Variants in INPP4B observed in about 807,000 individuals in gnomAD.
The protein encoded by INPP4B is inositol polyphosphate 4-phosphatase type II.
In INPP4B, 55 loss-of-function variants were observed where a neutral mutation model predicts 122.5. The ratio of observed to expected loss-of-function variants is 0.45; its 90% confidence interval spans 0.36 to 0.56. The LOEUF is 0.56. Among genes scored for constraint, INPP4B ranks in the 20% least tolerant of loss-of-function variants. The pLI is 0.00. For missense variants in INPP4B, 1,000 were observed against 1,097.7 expected (o/e 0.91, Z 1.26); for synonymous variants, 403 against 388.7 (o/e 1.04, Z -0.43).
At chr4:142,426,261 T>C (rs1399408398) in intron 5 of INPP4B, among the ~76,000 whole-genome samples, 1 of 151,968 alleles carries the variant, frequency 6.6e-6, no homozygotes, top group South Asian at 2.1e-4. Flanking sequence ...TCAAGATTAG[T>C]CTCCTTTATA....
intron 1 of INPP4B, among the ~76,000 whole-genome samples, chr4:142,841,871 T>C (rs2151213702): frequency 6.6e-6 from 1 of 152,032 alleles, no homozygotes; most frequent in East Asian, 1.9e-4. Context: ...TCTATCCTTG[T>C]AAAACAACAA....
intron 25 of INPP4B, among the ~76,000 whole-genome samples, chr4:142,070,199 T>G (rs76818819): frequency 6.6e-6 from 1 of 152,102 alleles, no homozygotes; most frequent in African/African-American, 2.4e-5. Context: ...AATTAATAAA[T>G]GTAATCCATC....
chr4:142,809,824 C>T (rs540108655), intron 1 of INPP4B, among the ~76,000 whole-genome samples: 7 of 151,876 alleles, frequency 4.6e-5, no homozygotes, highest in Non-Finnish European at 1.0e-4. Context: ...TTTGACTTTT[C>T]CTGTTTAAGA....
At chr4:142,344,691 A>G (rs1779759905) in intron 7 of INPP4B, among the ~76,000 whole-genome samples, 1 of 152,018 alleles carries the variant, frequency 6.6e-6, no homozygotes, top group Admixed American at 6.6e-5. Context: ...CAAATAGAGG[A>G]GAACACACAC....
chr4:142,329,048 T>C (rs1269078713), intron 7 of INPP4B, among the ~76,000 whole-genome samples: 1 of 152,232 alleles, frequency 6.6e-6, no homozygotes, highest in Middle Eastern at 3.2e-3. Context: ...CATGCGCTGA[T>C]CTGTCCTTTT....
chr4:142,830,178 C>T (rs752978896), intron 1 of INPP4B, among the ~76,000 whole-genome samples: 9 of 152,028 alleles, frequency 5.9e-5, no homozygotes, highest in Non-Finnish European at 1.3e-4. Flanking sequence ...TATATAGATA[C>T]ATATATATCT....
intron 2 of INPP4B, among the ~76,000 whole-genome samples, chr4:142,674,840 T>G (rs1757499230): frequency 6.6e-6 from 1 of 152,146 alleles, no homozygotes; most frequent in South Asian, 2.1e-4. Flanking sequence ...CCAGAATCTC[T>G]GGGACACAGC....
intron 7 of INPP4B, among the ~76,000 whole-genome samples, chr4:142,383,417 C>T (rs995220575): frequency 3.9e-5 from 6 of 152,138 alleles, no homozygotes; most frequent in African/African-American, 1.4e-4. Flanking sequence ...CTGCTTACCA[C>T]CTAGGCTATG....
At chr4:142,497,392 A>AT (rs1277433285) in intron 2 of INPP4B, among the ~76,000 whole-genome samples, 1 of 152,126 alleles carries the variant, frequency 6.6e-6, no homozygotes, top group Non-Finnish European at 1.5e-5. Flanking sequence ...TAACCAAATC[A>AT]TTTTCCCAAA....
At chr4:142,701,999 G>C (rs1761842800) in intron 2 of INPP4B, among the ~76,000 whole-genome samples, 1 of 152,140 alleles carries the variant, frequency 6.6e-6, no homozygotes, top group Non-Finnish European at 1.5e-5. Context: ...GGTGAAATCA[G>C]ACTACTGGAA....
intron 2 of INPP4B, among the ~76,000 whole-genome samples, chr4:142,643,812 T>C (rs1187012217): frequency 6.6e-6 from 1 of 152,204 alleles, no homozygotes; most frequent in Non-Finnish European, 1.5e-5. Context: ...GTAAGTATGG[T>C]GCTGAATGGC....
intron 2 of INPP4B, among the ~76,000 whole-genome samples, chr4:142,612,986 C>A (rs1742891768): frequency 6.6e-6 from 1 of 152,148 alleles, no homozygotes. Context: ...ATGTAAGTGC[C>A]ATATAGAAAA....
At chr4:142,273,306 T>C (rs1746771140) in intron 9 of INPP4B, among the ~76,000 whole-genome samples, 1 of 151,916 alleles carries the variant, frequency 6.6e-6, no homozygotes, top group African/African-American at 2.4e-5. Flanking sequence ...TATTAATGTA[T>C]TAAATTATAT....
intron 2 of INPP4B, among the ~76,000 whole-genome samples, chr4:142,635,247 T>C (rs1052251766): frequency 3.3e-5 from 5 of 152,212 alleles, no homozygotes; most frequent in African/African-American, 1.2e-4. Context: ...GGAACACTTA[T>C]ACACTGTTAG....
intron 4 of INPP4B, among the ~76,000 whole-genome samples, chr4:142,430,410 A>C (rs1214820493): frequency 6.6e-6 from 1 of 152,098 alleles, no homozygotes; most frequent in East Asian, 1.9e-4. Context: ...CAACCAATAC[A>C]ATTTTCTAAA....
At position 142,082,192 on chromosome 4, in the gene INPP4B, CAT is replaced by C. The variant is rs1561053730; in HGVS notation, c.2488-9_2488-8del. On this transcript the variant is annotated splice_polypyrimidine_tract_variant and splice_region_variant and intron_variant, in intron 24 of 25. Coordinates refer to ENST00000262992, the MANE Select transcript of INPP4B (RefSeq NM_001101669.3). ...CATTCAGTTTGCGGCAAATCTGTAA[CAT>C]ATGTAAGAACGAACGTTTCTTGTTC... The C allele has an allele frequency of 6.7e-7, 1 of 1,499,990 alleles. No individual in the cohort carries two copies. Among genetic ancestry groups the C allele is most frequent in the Non-Finnish European group, 9.1e-7 (1 of 1,101,848 alleles). 92.9% of individuals were successfully genotyped at this position (1,499,990 alleles called of 1,614,324 possible). A position where few individuals can be genotyped will look rare whatever the true frequency, so the allele number is the denominator to read the frequency against.
intron 7 of INPP4B, among the ~76,000 whole-genome samples, chr4:142,366,286 G>A (rs919997889): frequency 6.6e-5 from 10 of 151,010 alleles, no homozygotes; most frequent in African/African-American, 1.9e-4. Context: ...CTCCTTTTTC[G>A]GACTCAGCCG....
At chr4:142,315,481 T>G (rs949343121) in intron 7 of INPP4B, among the ~76,000 whole-genome samples, 5 of 152,052 alleles carry the variant, frequency 3.3e-5, no homozygotes, top group Non-Finnish European at 7.4e-5. Flanking sequence ...GAGACATGTA[T>G]CTTCAACTGA....
chr4:142,074,423 G>A (rs1561027756), intron 25 of INPP4B, among the ~76,000 whole-genome samples: 1 of 152,072 alleles, frequency 6.6e-6, no homozygotes, highest in Non-Finnish European at 1.5e-5. Context: ...TGGGATGTGT[G>A]GAGAAATGGG....
Sources: gnomAD v4.1 joint callset for allele counts (sites outside exome capture counted in the v4.1 genomes callset) on GRCh38, gnomAD v4.1.1 for gene constraint, MANE v1.5 for transcripts, NCBI Gene and HGNC (gene_info 2026-07-23, HGNC 2026-07-21) for gene names.